Variants in FAM227B observed in about 807,000 individuals in gnomAD.
FAM227B encodes family with sequence similarity 227 member B.
FAM227B carries 88 observed loss-of-function variants against 73.8 expected under a neutral mutation model. The observed-to-expected ratio is 1.19, with a 90% CI of 1.00 to 1.42. The LOEUF (loss-of-function observed/expected upper bound fraction) is 1.42. Ranked by LOEUF, FAM227B falls within the 40% of genes most tolerant of loss-of-function variation. The probability of loss-of-function intolerance (pLI) is 0.00; values close to 1 mark genes in which losing one functional copy is unlikely to be tolerated. For missense variants in FAM227B, 632 were observed against 590.9 expected (o/e 1.07, Z -0.72); for synonymous variants, 210 against 190.5 (o/e 1.10, Z -0.84).
At chr15:49,596,094 A>G (rs1173337798) in intron 3 of FAM227B, among the ~76,000 whole-genome samples, 1 of 151,994 alleles carries the variant, frequency 6.6e-6, no homozygotes, top group East Asian at 1.9e-4. Context: ...TAGACATGCA[A>G]ACAGAGGAAG....
chr15:49,616,263 T>C (rs2078282295), intron 1 of FAM227B, among the ~76,000 whole-genome samples: 1 of 152,188 alleles, frequency 6.6e-6, no homozygotes, highest in African/African-American at 2.4e-5. Context: ...ATGATTGGTG[T>C]CATTATGAGA....
intron 11 of FAM227B, among the ~76,000 whole-genome samples, chr15:49,453,530 G>A (rs1174547275): frequency 6.6e-6 from 1 of 152,102 alleles, no homozygotes; most frequent in East Asian, 1.9e-4. Context: ...GGGTTCAGTA[G>A]CCACATGTGG....
chr15:49,384,948 GT>G (rs1451956806), intron 11 of FAM227B, among the ~76,000 whole-genome samples: 1 of 151,824 alleles, frequency 6.6e-6, no homozygotes, highest in African/African-American at 2.4e-5. Flanking sequence ...CATGGCTCCA[GT>G]TTTTTTCCAT....
intron 13 of FAM227B, among the ~76,000 whole-genome samples, chr15:49,341,431 C>G (rs2040715696): frequency 6.6e-6 from 1 of 152,026 alleles, no homozygotes; most frequent in South Asian, 2.1e-4. Flanking sequence ...GATTTCTTTC[C>G]ACAGAATTTT....
At chr15:49,550,779 A>G (rs1319541186) in intron 9 of FAM227B, among the ~76,000 whole-genome samples, 2 of 143,764 alleles carry the variant, frequency 1.4e-5, no homozygotes, top group East Asian at 2.1e-4. Flanking sequence ...CCGGGCAGAG[A>G]CACTCCTCAC....
intron 13 of FAM227B, among the ~76,000 whole-genome samples, chr15:49,354,999 G>A (rs533795105): frequency 1.5e-4 from 23 of 151,678 alleles, no homozygotes; most frequent in Non-Finnish European, 2.6e-4. Context: ...TCACACGGCA[G>A]GGTACTCCAA....
chr15:49,570,687 T>A (rs1018963660), intron 8 of FAM227B, among the ~76,000 whole-genome samples: 1 of 151,530 alleles, frequency 6.6e-6, no homozygotes, highest in Non-Finnish European at 1.5e-5. Flanking sequence ...TTGACTTTTT[T>A]AAATTCCACA....
At chr15:49,602,487 A>C (rs2077268577) in intron 3 of FAM227B, among the ~76,000 whole-genome samples, 1 of 152,116 alleles carries the variant, frequency 6.6e-6, no homozygotes, top group Admixed American at 6.6e-5. Flanking sequence ...TTTGTTAATC[A>C]GATTATTAGT....
intron 11 of FAM227B, among the ~76,000 whole-genome samples, chr15:49,429,103 T>C (rs2050371213): frequency 6.6e-6 from 1 of 151,994 alleles, no homozygotes; most frequent in African/African-American, 2.4e-5. Context: ...TAGCAAGTTA[T>C]CTAAAAGAAC....
At chr15:49,496,412 T>C (rs2152074192) in intron 11 of FAM227B, among the ~76,000 whole-genome samples, 1 of 152,354 alleles carries the variant, frequency 6.6e-6, no homozygotes, top group Non-Finnish European at 1.5e-5. Flanking sequence ...AAATGATCTT[T>C]ATTTGAGTTC....
At chr15:49,542,858 C>T (rs553760351) in intron 9 of FAM227B, among the ~76,000 whole-genome samples, 59 of 151,680 alleles carry the variant, frequency 3.9e-4, no homozygotes, top group African/African-American at 1.4e-3. Flanking sequence ...TTTTTATAAA[C>T]ATTTCTTTTT....
chr15:49,439,366 G>A (rs574855680), intron 11 of FAM227B, among the ~76,000 whole-genome samples: 4 of 151,678 alleles, frequency 2.6e-5, no homozygotes, highest in Non-Finnish European at 4.4e-5. Flanking sequence ...GCAGTGTGAC[G>A]TACCATCATT....
chr15:49,484,241 A>AC (rs1383994959), intron 11 of FAM227B: 1 of 1,119,262 alleles, frequency 8.9e-7, no homozygotes, highest in African/African-American at 1.6e-5. Context: ...TTACCTGCTT[A>AC]CTCTTCGTTT....
In FAM227B at chr15:49,489,855, ATATTTTAT is replaced by A. The variant is rs1210314914; in HGVS notation, c.1012+18348_1012+18355del. Among the ~76,000 whole-genome samples, 95 of 14,922 alleles carry A rather than the reference ATATTTTAT, an allele frequency of 6.4e-3. 1 individual carries two copies. The highest frequency in any genetic ancestry group is 0.011 in the Admixed American group (9 of 828). 9.8% of individuals were successfully genotyped at this position (14,922 alleles called of 152,430 possible). A position where few individuals can be genotyped will look rare whatever the true frequency, so the allele number is the denominator to read the frequency against. On this transcript the variant is annotated intron_variant, in intron 11 of 15. Transcript: ENST00000299338. ...ATATATATATTTTATATATATATATATATTTTATATATATATATATATATATATAGAGA... is the reference window on the plus strand; with the variant it reads ...ATATATATATTTTATATATATATATAATATATATATATATATATATAGAGA...
chr15:49,489,802 TTTATATATATATATATA>T (rs1567380856), intron 11 of FAM227B, among the ~76,000 whole-genome samples: 2 of 50,952 alleles, frequency 3.9e-5, no homozygotes, highest in African/African-American at 1.4e-4. Context: ...ATATATATAT[TTTATATATATATATATA>T]TTTTATATAT....
chr15:49,390,109 T>A (rs2047116944), intron 11 of FAM227B, among the ~76,000 whole-genome samples: 1 of 152,040 alleles, frequency 6.6e-6, no homozygotes, highest in Non-Finnish European at 1.5e-5. Context: ...GGGCTTGCTC[T>A]GGGAAATGAA....
At chr15:49,583,629 T>C (rs1467388791) in intron 5 of FAM227B, among the ~76,000 whole-genome samples, 1 of 150,852 alleles carries the variant, frequency 6.6e-6, no homozygotes, top group African/African-American at 2.4e-5. Context: ...TCCTTTACTT[T>C]CTTAATAAAC....
intron 10 of FAM227B, among the ~76,000 whole-genome samples, chr15:49,526,019 T>C (rs372259773): frequency 1.2e-4 from 18 of 151,836 alleles, no homozygotes; most frequent in African/African-American, 4.1e-4. Context: ...AGAAAGGAAC[T>C]CTGGACTTAA....
chr15:49,461,903 A>T (rs1388309523), intron 11 of FAM227B, among the ~76,000 whole-genome samples: 1 of 152,200 alleles, frequency 6.6e-6, no homozygotes, highest in African/African-American at 2.4e-5. Flanking sequence ...GCCCAGGGGC[A>T]GTGGCTCTGT....
Sources: gnomAD v4.1 joint callset for allele counts (sites outside exome capture counted in the v4.1 genomes callset) on GRCh38, gnomAD v4.1.1 for gene constraint, MANE v1.5 for transcripts, NCBI Gene and HGNC (gene_info 2026-07-23, HGNC 2026-07-21) for gene names.